FAM107B: variants seen among roughly 807,000 people sequenced by gnomAD.
FAM107B encodes the protein family with sequence similarity 107 member B.
Under a neutral mutation model 31.5 loss-of-function variants are expected in FAM107B, and 21 were observed. The observed-to-expected ratio is 0.67, with a 90% CI of 0.47 to 0.96. The LOEUF (loss-of-function observed/expected upper bound fraction) is 0.96. Ranked by LOEUF, FAM107B falls within the 40% of genes least tolerant of loss-of-function variation. FAM107B has a pLI of 0.00. For synonymous variants in FAM107B, 157 were observed against 141.5 expected (o/e 1.11, Z -0.78); for missense variants, 452 against 377.1 (o/e 1.20, Z -1.64).
intron 2 of FAM107B, among the ~76,000 whole-genome samples, chr10:14,539,563 C>T (rs986556388): frequency 1.3e-5 from 2 of 151,902 alleles, no homozygotes; most frequent in African/African-American, 4.8e-5. Flanking sequence ...TTAGAAAAGA[C>T]TGAAGACAAA....
intron 2 of FAM107B, among the ~76,000 whole-genome samples, chr10:14,632,835 T>G: frequency 6.6e-6 from 1 of 151,850 alleles, no homozygotes; most frequent in East Asian, 1.9e-4. Flanking sequence ...GGGCAAGAAA[T>G]GCCAGCTAGG....
intron 1 of FAM107B, among the ~76,000 whole-genome samples, chr10:14,678,401 A>C (rs1044569222): frequency 2.0e-5 from 3 of 152,102 alleles, no homozygotes; most frequent in African/African-American, 7.2e-5. Context: ...TTTCAGCAAA[A>C]CTGACTCAAG....
intron 2 of FAM107B, chr10:14,556,423 C>G: frequency 2.0e-6 from 2 of 985,456 alleles, no homozygotes; most frequent in South Asian, 9.4e-5. Flanking sequence ...AGGAAATACA[C>G]CAGTCAGCAC....
intron 2 of FAM107B, among the ~76,000 whole-genome samples, chr10:14,628,466 A>G (rs572284468): frequency 1.4e-4 from 21 of 151,932 alleles, no homozygotes; most frequent in Non-Finnish European, 2.8e-4. Context: ...TTTATGTGCT[A>G]CTCAGTCTCT....
chr10:14,544,921 T>G (rs939174271), intron 2 of FAM107B, among the ~76,000 whole-genome samples: 3 of 152,144 alleles, frequency 2.0e-5, no homozygotes, highest in Non-Finnish European at 4.4e-5. Context: ...TGTGTCTGTG[T>G]GTACAAATGC....
rs1845408468 is a variant in FAM107B, at chr10:14,519,242, T to C, written c.*1948A>G. 1 of 152,074 alleles carries C rather than the reference T, an allele frequency of 6.6e-6. No individual in the cohort carries two copies. The highest frequency in any genetic ancestry group is 6.6e-5 in the Admixed American group (1 of 15,256). 9.4% of individuals were successfully genotyped at this position (152,074 alleles called of 1,614,324 possible). A position where few individuals can be genotyped will look rare whatever the true frequency, so the allele number is the denominator to read the frequency against. On this transcript the variant is annotated 3_prime_UTR_variant, in exon 5 of 5. Transcript: ENST00000181796. ...TTCTAAAGGAGCCTACCAGGGCCCCTGTGAATACGATCAAGTGGCAGAATT... is the reference window on the plus strand; with the variant it reads ...TTCTAAAGGAGCCTACCAGGGCCCCCGTGAATACGATCAAGTGGCAGAATT...
intron 2 of FAM107B, 53 bp from the exon 3 acceptor site, chr10:14,530,568 C>T: frequency 1.3e-6 from 2 of 1,563,354 alleles, no homozygotes; most frequent in South Asian, 2.3e-5. Context: ...AAGGCTTTTC[C>T]CACACATGCA....
At chr10:14,617,142 G>A (rs1025532196) in intron 2 of FAM107B, among the ~76,000 whole-genome samples, 12 of 151,916 alleles carry the variant, frequency 7.9e-5, no homozygotes, top group Non-Finnish European at 4.4e-5. Context: ...GAAAGGAAAA[G>A]GAAATTAACT....
chr10:14,760,479 G>A (rs1213490789), intron 1 of FAM107B, among the ~76,000 whole-genome samples: 4 of 150,792 alleles, frequency 2.7e-5, no homozygotes, highest in African/African-American at 1.0e-4. Context: ...AAAACAAACA[G>A]ATGCATTTAC....
intron 1 of FAM107B, among the ~76,000 whole-genome samples, chr10:14,710,122 A>C (rs1339541725): frequency 6.6e-6 from 1 of 152,286 alleles, no homozygotes; most frequent in East Asian, 1.9e-4. Context: ...ATTACTTCAA[A>C]TGTATCACAC....
At chr10:14,553,313 C>T in intron 2 of FAM107B, 1 of 1,251,758 alleles carries the variant, frequency 8.0e-7, no homozygotes, top group Non-Finnish European at 1.0e-6. Context: ...TAAATTTCCC[C>T]ACACTTACTA....
Position 14,667,674 on chromosome 10 carries a change from T to C in FAM107B, c.429A>G (p.Glu143=). 1.2e-6 allele frequency: 2 copies of C among 1,614,182 alleles called. No individual in the cohort carries two copies. The highest frequency in any genetic ancestry group is 1.7e-6 in the Non-Finnish European group (2 of 1,180,012). Residue 143 remains glutamate (E), a synonymous_variant, in exon 2 of 5, where the codon GAA becomes GAG. Transcript: ENST00000181796. ...GCTCCAGCTCGAGGCATTTAGGTTC[T>C]TCTCGAAATTCTTCTTCCTAAGCGC... The part of the protein sequence containing the change: ...IDTPKEEEFR[E]EPKCLELEQK...
intron 1 of FAM107B, among the ~76,000 whole-genome samples, chr10:14,737,518 G>A (rs925924107): frequency 1.3e-5 from 2 of 152,024 alleles, no homozygotes. Flanking sequence ...GGAGGCTGAG[G>A]CAGAAGAATT....
At chr10:14,623,860 T>C (rs990196789) in intron 2 of FAM107B, among the ~76,000 whole-genome samples, 2 of 152,176 alleles carry the variant, frequency 1.3e-5, no homozygotes, top group African/African-American at 2.4e-5. Context: ...TTGGGCTATG[T>C]ATCTTAAAGG....
chr10:14,680,379 G>T (rs1588701626), intron 1 of FAM107B, among the ~76,000 whole-genome samples: 1 of 152,118 alleles, frequency 6.6e-6, no homozygotes, highest in East Asian at 1.9e-4. Context: ...TTCGAGACCA[G>T]CCAGACCAAC....
At chr10:14,684,896 C>T (rs77150408) in intron 1 of FAM107B, among the ~76,000 whole-genome samples, 1 of 151,894 alleles carries the variant, frequency 6.6e-6, no homozygotes, top group African/African-American at 2.4e-5. Flanking sequence ...TCTTGGCTCA[C>T]GGCAGCCTCA....
intron 1 of FAM107B, among the ~76,000 whole-genome samples, chr10:14,750,548 G>A (rs1471042281): frequency 6.6e-6 from 1 of 152,146 alleles, no homozygotes; most frequent in African/African-American, 2.4e-5. Context: ...GGAGGGGGAG[G>A]TTGCAGTGAG....
chr10:14,636,358 A>C lies in FAM107B; in HGVS notation c.469+31276T>G, dbSNP rs555068265. 1.5e-4 allele frequency among the ~76,000 whole-genome samples: 23 copies of C among 151,742 alleles called. No individual in the cohort carries two copies. In the East Asian group the frequency reaches 4.4e-3, roughly 29 times the overall value. Reference sequence around the variant, plus strand: ...GAGAGAGAGAGAAATGTCTACTTCTATGTGCACATAAAACTAAATGTATAC... The same window carrying C: ...GAGAGAGAGAGAAATGTCTACTTCTCTGTGCACATAAAACTAAATGTATAC... On this transcript the variant is annotated intron_variant, in intron 2 of 4. Coordinates refer to ENST00000181796, the MANE Select transcript of FAM107B (RefSeq NM_031453.4).
At chr10:14,524,152 C>T (rs2130781613) in intron 3 of FAM107B, among the ~76,000 whole-genome samples, 1 of 152,074 alleles carries the variant, frequency 6.6e-6, no homozygotes, top group Admixed American at 6.5e-5. Context: ...AGCGATTCTC[C>T]TCCCTCAGCC....
Sources: gnomAD v4.1 joint callset for allele counts (sites outside exome capture counted in the v4.1 genomes callset) on GRCh38, gnomAD v4.1.1 for gene constraint, MANE v1.5 for transcripts, NCBI Gene and HGNC (gene_info 2026-07-23, HGNC 2026-07-21) for gene names.